Variants in NRXN2 observed in about 807,000 individuals in gnomAD.
NRXN2 encodes neurexin-2-beta.
In NRXN2, 29 loss-of-function variants were observed where a neutral mutation model predicts 128.8. The observed-to-expected ratio is 0.23, with a 90% CI of 0.17 to 0.31. The LOEUF is 0.31. Ranked by LOEUF, NRXN2 falls within the 10% of genes least tolerant of loss-of-function variation. The probability of loss-of-function intolerance (pLI) is 1.00; values close to 1 mark genes in which losing one functional copy is unlikely to be tolerated. For synonymous variants in NRXN2, 1,098 were observed against 1,075.2 expected (o/e 1.02, Z -0.41); for missense variants, 1,881 against 2,452.6 (o/e 0.77, Z 4.92).
chr11:64,667,468 T>G lies in NRXN2; in HGVS notation c.1580A>C (p.Asn527Thr). 1 of 1,614,054 alleles carries G rather than the reference T, an allele frequency of 6.2e-7. No individual in the cohort carries two copies. Among genetic ancestry groups the G allele is most frequent in the African/African-American group, 1.3e-5 (1 of 75,048 alleles). Residue 527 changes from asparagine to threonine, a missense_variant, in exon 9 of 23, where the codon AAT (asparagine) becomes ACT (threonine). By Grantham distance (65) the Asn-to-Thr change is moderately conservative. This residue lies in a region of NRXN2 where 997 missense variants were observed against 1,240.8 expected (regional missense o/e 0.80). Coordinates refer to ENST00000265459, the MANE Select transcript of NRXN2 (RefSeq NM_015080.4). The surrounding 1 kb of genome is among the most constrained non-coding windows in gnomAD (Gnocchi z 5.6). ...GCCCTGGCTGAAGAGCAGCAGCCCATTGGGCTCGGTGGTGCGGAAGTCTAG... is the reference window on the plus strand; with the variant it reads ...GCCCTGGCTGAAGAGCAGCAGCCCAGTGGGCTCGGTGGTGCGGAAGTCTAG... The part of the protein sequence containing the change: ...ISLDFRTTEP[N>T]GLLLFSQGRR...
chr11:64,648,172 T>C lies in NRXN2; in HGVS notation c.3403+47A>G, dbSNP rs2046976026. 1 of 1,613,526 alleles carries C rather than the reference T, an allele frequency of 6.2e-7. No homozygotes were observed. Among genetic ancestry groups the C allele is most frequent in the Non-Finnish European group, 8.5e-7 (1 of 1,179,900 alleles). On this transcript the variant is annotated intron_variant, in intron 17 of 22. Coordinates refer to ENST00000265459, the MANE Select transcript of NRXN2 (RefSeq NM_015080.4). This position sits in a 1 kb window ranked among gnomAD's most constrained non-coding sequence, Gnocchi z 4.1. ...CCCTGGCAGCCCCTATGGCTGGGAATGGACCCTGGTCTCCCCAAACTGCCC... is the reference window on the plus strand; with the variant it reads ...CCCTGGCAGCCCCTATGGCTGGGAACGGACCCTGGTCTCCCCAAACTGCCC...
rs1224194871 is a variant in NRXN2, at chr11:64,623,589, G to A, written c.3848-511C>T. The A allele has an allele frequency of 1.1e-5, 2 of 187,004 alleles. No homozygotes were observed. Among genetic ancestry groups the A allele is most frequent in the African/African-American group, 4.7e-5 (2 of 42,262 alleles). 11.6% of individuals were successfully genotyped at this position (187,004 alleles called of 1,614,324 possible). On this transcript the variant is annotated intron_variant, in intron 20 of 22. Transcript: ENST00000265459. The surrounding 1 kb of genome is among the most constrained non-coding windows in gnomAD (Gnocchi z 4.9). ...TAGCTGCCAGGCCAAGGTGGAGTCG[G>A]TGCGTGTGAGAGCAGAGAAGGAGGT...
In NRXN2 at chr11:64,721,986, G is replaced by A. The variant is rs144532856; in HGVS notation, c.-245+985C>T. Among the ~76,000 whole-genome samples, 14 of 152,148 alleles carry A rather than the reference G, an allele frequency of 9.2e-5. No individual in the cohort carries two copies. The East Asian group carries it at 2.5e-3, about 27-fold the overall frequency. ...ATCGAATGCCCTCTCCCAAGATTCAGGAGGGGGGTGAGAGTAAAGGAGACA... is the reference window on the plus strand; with the variant it reads ...ATCGAATGCCCTCTCCCAAGATTCAAGAGGGGGGTGAGAGTAAAGGAGACA... On this transcript the variant is annotated intron_variant, in intron 1 of 22. Transcript: ENST00000265459.
intron 22 of NRXN2, among the ~76,000 whole-genome samples, chr11:64,618,776 A>G (rs1242055559): frequency 6.6e-6 from 1 of 152,158 alleles, no homozygotes; most frequent in East Asian, 1.9e-4. Flanking sequence ...GCCCTGGGCT[A>G]TGGAAAGGAA....
intron 11 of NRXN2, among the ~76,000 whole-genome samples, chr11:64,655,139 A>G (rs1277633796): frequency 6.6e-6 from 1 of 152,202 alleles, no homozygotes; most frequent in African/African-American, 2.4e-5. Flanking sequence ...AGGTTCCTGC[A>G]GTGGAGGTAA....
At position 64,690,409 on chromosome 11, in the gene NRXN2, T is replaced by C. The variant is rs758099879; in HGVS notation, c.846A>G (p.Thr282=). 32 of 1,612,602 alleles carry C rather than the reference T, an allele frequency of 2.0e-5. No homozygotes were observed. The highest frequency in any genetic ancestry group is 2.5e-5 in the Non-Finnish European group (29 of 1,179,648). The change falls in exon 5 of 23, where the codon ACA becomes ACG. Residue 282 remains threonine (T), a synonymous_variant. Transcript: ENST00000265459. ...GGGACCATGGGGGTCACTGACCTTT[T>C]GTTGGCTGGTGCACATCGCCGGCTC... ...RGGAGDVHQP[T]KGKEEFVATF...
chr11:64,702,243 C>T (rs1265587054), intron 2 of NRXN2, among the ~76,000 whole-genome samples: 5 of 152,060 alleles, frequency 3.3e-5, no homozygotes, highest in Non-Finnish European at 5.9e-5. Context: ...TCTGCCCGGC[C>T]GCCCCTACTG....
Position 64,653,687 on chromosome 11 carries a change from G to C in NRXN2, c.2416+9C>G. 1 of 1,595,670 alleles carries C rather than the reference G, an allele frequency of 6.3e-7. No individual in the cohort carries two copies. The highest frequency in any genetic ancestry group is 1.1e-5 in the South Asian group (1 of 87,312). On this transcript the variant is annotated intron_variant, in intron 12 of 22. Transcript: ENST00000265459. ...TGGGTCTCTGCAGAAGAAGAGGGAA[G>C]CCACTTACTGGGTGCGCAGCCGACG...
Position 64,667,748 on chromosome 11 carries a change from TC to T in NRXN2, c.1360-61del. ...CGAAAGCAGCTTAGGGCCTGGCCAC[TC>T]CCACCCAGCAGCGAGCACCAGGGGA... On this transcript the variant is annotated intron_variant, in intron 8 of 22. Transcript: ENST00000265459. This position sits in a 1 kb window ranked among gnomAD's most constrained non-coding sequence, Gnocchi z 5.6. 2 of 1,553,212 alleles carry T rather than the reference TC, an allele frequency of 1.3e-6. No individual in the cohort carries two copies. Among genetic ancestry groups the T allele is most frequent in the Non-Finnish European group, 8.8e-7 (1 of 1,132,298 alleles).
intron 17 of NRXN2, chr11:64,643,135 CGAGTGGAGAGG>C (rs1471955596): frequency 1.0e-6 from 1 of 962,496 alleles, no homozygotes; most frequent in African/African-American, 2.0e-5. Flanking sequence ...GGCATGGTGC[CGAGTGGAGAGG>C]GAGGGGAGCG....
intron 5 of NRXN2, chr11:64,688,936 A>C: frequency 2.1e-5 from 7 of 336,380 alleles, no homozygotes; most frequent in Non-Finnish European, 3.0e-5. Context: ...GCCTAATAAC[A>C]TCTTGTACTG....
Position 64,607,496 on chromosome 11 carries a change from G to T in NRXN2, c.4839C>A (p.Asn1613Lys), listed in dbSNP as rs1420862599. The T allele has an allele frequency of 1.9e-6, 3 of 1,600,492 alleles. No homozygotes were observed. Among genetic ancestry groups the T allele is most frequent in the Non-Finnish European group, 2.6e-6 (3 of 1,176,088 alleles). ...GGCCCCGCTCCCCAGGCCCTGTGGG[G>T]TTGGCTGTGGGCAGATGGGGGAAGC... The part of the protein sequence containing the change: ...APGFPHLPTA[N>K]PTGPGERGPP... The change falls in exon 23 of 23, where the codon AAC becomes AAA. Residue 1613 changes from asparagine to lysine, a missense_variant. Physicochemically the swap from Asn to Lys is moderately conservative, Grantham distance 94. This residue lies in a region of NRXN2 where 310 missense variants were observed against 318.2 expected (regional missense o/e 0.97). Transcript: ENST00000265459.
chr11:64,685,172 C>T (rs373485592), intron 6 of NRXN2, among the ~76,000 whole-genome samples: 21 of 152,182 alleles, frequency 1.4e-4, no homozygotes, highest in Non-Finnish European at 2.5e-4. Context: ...GGCTTGCCTT[C>T]GTGCCTTGCT....
At chr11:64,698,372 C>T (rs1417766812) in intron 2 of NRXN2, among the ~76,000 whole-genome samples, 1 of 152,214 alleles carries the variant, frequency 6.6e-6, no homozygotes, top group Non-Finnish European at 1.5e-5. Flanking sequence ...CCCTGACCCT[C>T]CCAGGGGTGA....
chr11:64,705,438 C>T (rs938856323), intron 2 of NRXN2, among the ~76,000 whole-genome samples: 2 of 151,608 alleles, frequency 1.3e-5, no homozygotes, highest in Non-Finnish European at 2.9e-5. Flanking sequence ...CTGCGAGTCC[C>T]CCCTCTCTCC....
Position 64,606,971 on chromosome 11 carries a change from G to A in NRXN2, c.*225C>T, listed in dbSNP as rs2039726973. 2 of 580,796 alleles carry A rather than the reference G, an allele frequency of 3.4e-6. No homozygotes were observed. Among genetic ancestry groups the A allele is most frequent in the Non-Finnish European group, 3.1e-6 (1 of 326,634 alleles). 36.0% of individuals were successfully genotyped at this position (580,796 alleles called of 1,614,324 possible). A position where few individuals can be genotyped will look rare whatever the true frequency, so the allele number is the denominator to read the frequency against. ...TGCCCTGCCTGGCAGGCGCAGAGCT[G>A]AGAGGGACAGTCAGCCCCGGGACTG... On this transcript the variant is annotated 3_prime_UTR_variant, in exon 23 of 23. Coordinates refer to ENST00000265459, the MANE Select transcript of NRXN2 (RefSeq NM_015080.4).
chr11:64,627,005 G>C (rs943742021), intron 19 of NRXN2, among the ~76,000 whole-genome samples: 1 of 152,162 alleles, frequency 6.6e-6, no homozygotes, highest in Non-Finnish European at 1.5e-5. Flanking sequence ...TTAGAAGTGG[G>C]AAGGATGGGT....
rs1223340764 is a variant in NRXN2, at chr11:64,648,759, A to T, written c.3258T>A (p.Ile1086=). 3 of 1,613,910 alleles carry T rather than the reference A, an allele frequency of 1.9e-6. No homozygotes were observed. The highest frequency in any genetic ancestry group is 2.7e-5 in the African/African-American group (2 of 74,914). Residue 1086 remains isoleucine, a synonymous_variant, in exon 16 of 23, where the codon ATT becomes ATA. Coordinates refer to ENST00000265459, the MANE Select transcript of NRXN2 (RefSeq NM_015080.4). The surrounding 1 kb of genome is among the most constrained non-coding windows in gnomAD (Gnocchi z 4.1). ...PDLIADALHR[I]GQVERGCDGP... is the part of the protein sequence containing the mutation. The stretch of plus-strand genomic sequence containing the variant: ...CATCACAGCCCCTCTCCACCTGCCC[A>T]ATGCGGTGCAGGGCGTCGGCGATGA...
chr11:64,702,049 AGGG>A (rs1227711881), intron 2 of NRXN2, among the ~76,000 whole-genome samples: 1 of 143,082 alleles, frequency 7.0e-6, no homozygotes, highest in Non-Finnish European at 1.5e-5. Context: ...CCGGGAGGTG[AGGG>A]GTGCCTCTGC....
Sources: gnomAD v4.1 joint callset for allele counts (sites outside exome capture counted in the v4.1 genomes callset) on GRCh38, gnomAD v4.1.1 for gene constraint, gnomAD v4.1.1 regional missense constraint, Gnocchi (gnomAD v3.1) non-coding constraint, MANE v1.5 for transcripts, NCBI Gene and HGNC (gene_info 2026-07-23, HGNC 2026-07-21) for gene names.